KLHL1: variants seen among roughly 807,000 people sequenced by gnomAD.
KLHL1 encodes the protein kelch like family member 1.
Under a neutral mutation model 77.7 loss-of-function variants are expected in KLHL1, and 47 were observed. The ratio of observed to expected loss-of-function variants is 0.60; its 90% CI spans 0.48 to 0.77. KLHL1 has a LOEUF of 0.77. Among genes scored for constraint, KLHL1 ranks in the 30% least tolerant of loss-of-function variants. The pLI is 0.00. For missense variants in KLHL1, 925 were observed against 910.8 expected, an observed-to-expected ratio of 1.02 and a Z score of -0.20; for synonymous variants, 360 against 325.2, an observed-to-expected ratio of 1.11 and a Z score of -1.15.
intron 1 of KLHL1, among the ~76,000 whole-genome samples, chr13:69,976,207 C>T (rs967100191): frequency 6.6e-6 from 1 of 151,776 alleles, no homozygotes; most frequent in Non-Finnish European, 1.5e-5. Flanking sequence ...AAATAGAATT[C>T]TTGAGATGTC....
chr13:69,726,949 A>G (rs1483338465), intron 8 of KLHL1, among the ~76,000 whole-genome samples: 1 of 152,176 alleles, frequency 6.6e-6, no homozygotes, highest in African/African-American at 2.4e-5. Flanking sequence ...TTTTAATTCT[A>G]GAAAAAATAG....
At chr13:70,026,499 T>C (rs1286163845) in intron 1 of KLHL1, among the ~76,000 whole-genome samples, 2 of 152,148 alleles carry the variant, frequency 1.3e-5, no homozygotes, top group African/African-American at 2.4e-5. Context: ...GGATTGAGTG[T>C]AATGTATTTG....
chr13:69,899,018 A>ATT (rs4053609), intron 4 of KLHL1, among the ~76,000 whole-genome samples: 7 of 146,128 alleles, frequency 4.8e-5, no homozygotes, highest in African/African-American at 1.0e-4. Context: ...AAAATTACAC[A>ATT]TTTTTTTTTT....
At chr13:69,929,599 T>C (rs1236704628) in intron 4 of KLHL1, among the ~76,000 whole-genome samples, 1 of 151,866 alleles carries the variant, frequency 6.6e-6, no homozygotes, top group Non-Finnish European at 1.5e-5. Flanking sequence ...TGGTGCTGTA[T>C]CATCTCATAT....
At chr13:69,960,843 C>CT (rs1156311907) in intron 3 of KLHL1, among the ~76,000 whole-genome samples, 1 of 152,002 alleles carries the variant, frequency 6.6e-6, no homozygotes, top group Non-Finnish European at 1.5e-5. Flanking sequence ...TTGCACAACT[C>CT]TAAGTACCTT....
intron 4 of KLHL1, among the ~76,000 whole-genome samples, chr13:69,932,307 T>C (rs1461265253): frequency 6.6e-6 from 1 of 151,752 alleles, no homozygotes; most frequent in Non-Finnish European, 1.5e-5. Flanking sequence ...AAAAACAGAT[T>C]TTTTTCTCAT....
At chr13:69,705,620 T>C (rs1875588832) in intron 10 of KLHL1, among the ~76,000 whole-genome samples, 1 of 151,610 alleles carries the variant, frequency 6.6e-6, no homozygotes, top group South Asian at 2.1e-4. Context: ...TGGCTGCTCA[T>C]CCCTTGAGAG....
chr13:69,897,496 C>G lies in KLHL1; in HGVS notation c.1015-15001G>C, dbSNP rs374082128. Among the ~76,000 whole-genome samples the G allele has an allele frequency of 5.3e-4, 80 of 152,210 alleles. 1 individual carries two copies. The East Asian group carries it at 0.015, about 28-fold the overall frequency. ...CTTAGAGATTGATCTTTCCAGTAGCCCAAAGATATCCTTGAAACGTAGTTA... is the reference window on the plus strand; with the variant it reads ...CTTAGAGATTGATCTTTCCAGTAGCGCAAAGATATCCTTGAAACGTAGTTA... On this transcript the variant is annotated intron_variant, in intron 4 of 10. Transcript: ENST00000377844.
chr13:69,995,694 A>T (rs1271832317), intron 1 of KLHL1, among the ~76,000 whole-genome samples: 10 of 152,138 alleles, frequency 6.6e-5, no homozygotes, highest in African/African-American at 2.4e-4. Context: ...CAATCCTAAA[A>T]TGCCACAATA....
At chr13:70,026,724 G>A (rs1024814107) in intron 1 of KLHL1, among the ~76,000 whole-genome samples, 3 of 151,636 alleles carry the variant, frequency 2.0e-5, no homozygotes, top group Non-Finnish European at 2.9e-5. Context: ...GTGTGTGTGT[G>A]TGTGTGTGTG....
intron 1 of KLHL1, among the ~76,000 whole-genome samples, chr13:70,032,934 G>A (rs2137368443): frequency 6.6e-6 from 1 of 152,166 alleles, no homozygotes; most frequent in African/African-American, 2.4e-5. Context: ...TTACTTAAAA[G>A]TCAATTGCAG....
intron 7 of KLHL1, among the ~76,000 whole-genome samples, chr13:69,748,906 ATAAT>A (rs544789449): frequency 7.7e-4 from 117 of 152,136 alleles, no homozygotes; most frequent in Non-Finnish European, 1.5e-3. Flanking sequence ...ATCTCTAACT[ATAAT>A]TAAATTAAAT....
chr13:69,983,774 A>G (rs1401674557), intron 1 of KLHL1, among the ~76,000 whole-genome samples: 1 of 152,050 alleles, frequency 6.6e-6, no homozygotes, highest in African/African-American at 2.4e-5. Flanking sequence ...TTTCAAAAAT[A>G]AATAAATAAA....
intron 6 of KLHL1, among the ~76,000 whole-genome samples, chr13:69,812,649 A>C (rs1173330849): frequency 9.2e-5 from 14 of 152,058 alleles, no homozygotes; most frequent in Admixed American, 2.0e-4. Context: ...CCCATCAAAA[A>C]GTGGGCAAAT....
chr13:69,801,388 T>G (rs1877372506), intron 6 of KLHL1, among the ~76,000 whole-genome samples: 1 of 152,158 alleles, frequency 6.6e-6, no homozygotes, highest in Non-Finnish European at 1.5e-5. Context: ...AACAAGCACA[T>G]GGCCACATCT....
intron 1 of KLHL1, among the ~76,000 whole-genome samples, chr13:70,057,710 A>C (rs1424187895): frequency 7.6e-6 from 1 of 131,354 alleles, no homozygotes; most frequent in Non-Finnish European, 1.6e-5. Flanking sequence ...CGGGAAGCGG[A>C]GCTTGCAGTG....
Position 69,764,948 on chromosome 13 carries a change from T to C in KLHL1, c.1640-24392A>G, listed in dbSNP as rs1463844158. ...TCTTTGCTTTTTTTTTTTTTTTTTT[T>C]TTTTTTTTTTTTTTTTTTTTTGAGA... On this transcript the variant is annotated intron_variant, in intron 7 of 10. Coordinates refer to ENST00000377844, the MANE Select transcript of KLHL1 (RefSeq NM_020866.3). 9.6e-3 allele frequency among the ~76,000 whole-genome samples: 811 copies of C among 84,266 alleles called. 33 individuals are homozygous for C. The highest frequency in any genetic ancestry group is 0.034 in the African/African-American group (771 of 22,604). 55.3% of individuals were successfully genotyped at this position (84,266 alleles called of 152,430 possible).
At chr13:70,088,548 T>C (rs1000840405) in intron 1 of KLHL1, among the ~76,000 whole-genome samples, 4 of 152,128 alleles carry the variant, frequency 2.6e-5, no homozygotes, top group Non-Finnish European at 5.9e-5. Flanking sequence ...CTGGGCATGT[T>C]GGTGTATGCC....
chr13:69,764,784 C>A (rs773951189), intron 7 of KLHL1, among the ~76,000 whole-genome samples: 6 of 151,960 alleles, frequency 3.9e-5, no homozygotes, highest in African/African-American at 7.3e-5. Flanking sequence ...CCAAGGTAAT[C>A]ACATGCACAT....
Sources: allele counts gnomAD v4.1 joint callset (sites outside exome capture counted in the v4.1 genomes callset), GRCh38; gene constraint gnomAD v4.1.1; transcripts MANE v1.5; gene names NCBI Gene and HGNC (gene_info 2026-07-23, HGNC 2026-07-21).